The following DDX59 variants were observed in gnomAD, a reference collection of about 807,000 sequenced individuals.
The protein encoded by DDX59 is DEAD-box helicase 59.
DDX59 carries 30 observed loss-of-function variants against 51.9 expected under a neutral mutation model. The ratio of observed to expected loss-of-function variants is 0.58; its 90% CI spans 0.43 to 0.78. The LOEUF (loss-of-function observed/expected upper bound fraction) is 0.78. Ranked by LOEUF, DDX59 falls within the 30% of genes least tolerant of loss-of-function variation. The pLI, the probability that DDX59 is intolerant of heterozygous loss-of-function variation, is 0.00. For missense variants in DDX59, 672 were observed against 730.8 expected (o/e 0.92, Z 0.93); for synonymous variants, 255 against 253.3 (o/e 1.01, Z -0.06).
downstream of DDX59, among the ~76,000 whole-genome samples, chr1:200,641,455 G>C (rs1661046593): frequency 6.6e-6 from 1 of 152,000 alleles, no homozygotes; most frequent in Non-Finnish European, 1.5e-5. Flanking sequence ...TTTAAAAAAC[G>C]TGCTTGGGCC....
intron 2 of DDX59, 32 bp downstream of exon 2, chr1:200,665,902 GAAT>G (rs746606953): frequency 7.2e-6 from 11 of 1,523,236 alleles, no homozygotes; most frequent in Middle Eastern, 1.7e-4. Context: ...TTGTTTCCAA[GAAT>G]AATACATGTG....
Position 200,659,100 on chromosome 1 carries a change from G to C in DDX59, c.989C>G (p.Pro330Arg). 1.2e-6 allele frequency: 2 copies of C among 1,613,236 alleles called. No individual in the cohort carries two copies. Among genetic ancestry groups the C allele is most frequent in the Non-Finnish European group, 1.7e-6 (2 of 1,179,648 alleles). The change falls in exon 4 of 8, where the codon CCT becomes CGT. Residue 330 changes from proline (P) to arginine (R), a missense_variant. Transcript: ENST00000331314. ...QQHVKVIIAT[P>R]GRLLDIIKQS... The stretch of plus-strand genomic sequence containing the variant: ...CTTTATTATATCCAGAAGTCGCCCA[G>C]GGGTTGCTATGATAACCTAAATAAA...
At chr1:200,668,264 C>A (rs1344908165) in intron 1 of DDX59, among the ~76,000 whole-genome samples, 2 of 151,128 alleles carry the variant, frequency 1.3e-5, no homozygotes, top group African/African-American at 2.4e-5. Context: ...GCCCAGATCG[C>A]GCCACTGCAC....
intron 2 of DDX59, among the ~76,000 whole-genome samples, chr1:200,665,372 T>TTGAACC (rs1662651797): frequency 6.6e-6 from 1 of 151,852 alleles, no homozygotes; most frequent in South Asian, 2.1e-4. Context: ...GGAGAATCAC[T>TTGAACC]TGAACCTGAA....
chr1:200,663,653 A>C (rs1311617210), intron 3 of DDX59, among the ~76,000 whole-genome samples: 1 of 152,202 alleles, frequency 6.6e-6, no homozygotes, highest in Non-Finnish European at 1.5e-5. Flanking sequence ...ACCCACCTTC[A>C]GAAGTAAATG....
chr1:200,655,915 C>A (rs35249716), intron 4 of DDX59, among the ~76,000 whole-genome samples: 2 of 151,680 alleles, frequency 1.3e-5, no homozygotes, highest in African/African-American at 4.8e-5. Flanking sequence ...ACCGCAACCT[C>A]CACCTCCCGG....
At chr1:200,642,223 G>A (rs1661069249), downstream of DDX59, among the ~76,000 whole-genome samples, 1 of 152,042 alleles carries the variant, frequency 6.6e-6, no homozygotes, top group African/African-American at 2.4e-5. Flanking sequence ...AAATGTCTGA[G>A]AGTGTATGTG....
At chr1:200,649,043 A>G in intron 6 of DDX59, 31 bp downstream of exon 6, 1 of 1,510,144 alleles carries the variant, frequency 6.6e-7, no homozygotes. Context: ...AGATTTATAG[A>G]AAACAGAATA....
chr1:200,666,422 T>C lies in DDX59; in HGVS notation c.319A>G (p.Ile107Val), dbSNP rs3795634. Reference sequence around the variant, plus strand: ...CCATAACGACCACAGACAACACAGATGGGTTCCCCTGGTTCTGCCCAGCGC... The same window carrying C: ...CCATAACGACCACAGACAACACAGACGGGTTCCCCTGGTTCTGCCCAGCGC... ...TQRWAEPGEP[I>V]CVVCGRYGEY... Residue 107 changes from isoleucine (I) to valine (V), a missense_variant, in exon 2 of 8, where the codon ATC (isoleucine) becomes GTC (valine). By Grantham distance (29) the Ile-to-Val change is conservative. Coordinates refer to ENST00000331314, the MANE Select transcript of DDX59 (RefSeq NM_001031725.6). 137,105 of 1,614,044 alleles carry C rather than the reference T, an allele frequency of 0.085. 10,390 individuals are homozygous for C. Among genetic ancestry groups the C allele is most frequent in the East Asian group, 0.4 (18,032 of 44,854 alleles).
rs1367588846 is a variant in DDX59, at chr1:200,650,665, C to T, written c.1074G>A (p.Met358Ile). ...CTTGTTGTTGAAAACCCATCTTTAA[C>T]ATGGTATCAGCCTAAAATAAAATTG... ...KIVVVDEADT[M>I]LKMGFQQQVL... is the part of the protein sequence containing the mutation. Residue 358 changes from methionine (M) to isoleucine (I), a missense_variant, in exon 5 of 8, where the codon ATG (methionine) becomes ATA (isoleucine). By Grantham distance (10) the Met-to-Ile change is conservative (BLOSUM62 1). Transcript: ENST00000331314. 6.2e-7 allele frequency: 1 copy of T among 1,611,132 alleles called. No individual in the cohort carries two copies. The highest frequency in any genetic ancestry group is 8.5e-7 in the Non-Finnish European group (1 of 1,177,870).
chr1:200,649,425 G>A (rs943846620), intron 5 of DDX59, among the ~76,000 whole-genome samples, 199 bp from the exon 6 acceptor site: 10 of 151,732 alleles, frequency 6.6e-5, no homozygotes, highest in East Asian at 3.9e-4. Flanking sequence ...TTAGGAGTTC[G>A]AGACCAGCCT....
Position 200,648,577 on chromosome 1 carries a change from A to T in DDX59, c.1468-10T>A, listed in dbSNP as rs775257163. ...CTCCTTCAAGTAATCCCTTTCCAAA[A>T]AAGCAACAAAATTTATTATTCAGAA... On this transcript the variant is annotated splice_polypyrimidine_tract_variant and intron_variant, in intron 6 of 7. Transcript: ENST00000331314. 6.2e-7 allele frequency: 1 copy of T among 1,601,038 alleles called. No individual in the cohort carries two copies. The highest frequency in any genetic ancestry group is 1.1e-5 in the South Asian group (1 of 88,836).
intron 4 of DDX59, among the ~76,000 whole-genome samples, chr1:200,655,301 A>G (rs904964853): frequency 6.6e-6 from 1 of 152,132 alleles, no homozygotes; most frequent in Non-Finnish European, 1.5e-5. Flanking sequence ...AAGACTCACA[A>G]GGGACTCCTC....
At chr1:200,655,356 C>T (rs1349383761) in intron 4 of DDX59, among the ~76,000 whole-genome samples, 1 of 137,192 alleles carries the variant, frequency 7.3e-6, no homozygotes, top group Non-Finnish European at 1.7e-5. Context: ...CTGCCTCCAC[C>T]GTGTGACCCC....
At chr1:200,659,168 T>C in intron 3 of DDX59, 52 bp from the exon 4 acceptor site, 2 of 1,381,036 alleles carry the variant, frequency 1.4e-6, no homozygotes, top group East Asian at 2.3e-5. Flanking sequence ...GCTATTTTCA[T>C]TCATTCATTC....
At position 200,665,920 on chromosome 1, in the gene DDX59, C is replaced by CATA; in HGVS notation, c.804+16_804+17insTAT. The CATA allele has an allele frequency of 6.4e-7, 1 of 1,567,554 alleles. No homozygotes were observed. The highest frequency in any genetic ancestry group is 1.2e-5 in the South Asian group (1 of 83,104). ...TTTCCAAGAATAATACATGTGAACT[C>CATA]TATTATTAACACTTACCTCGAATAA... On this transcript the variant is annotated intron_variant, in intron 2 of 7. Coordinates refer to ENST00000331314, the MANE Select transcript of DDX59 (RefSeq NM_001031725.6).
intron 1 of DDX59, among the ~76,000 whole-genome samples, chr1:200,669,211 G>A (rs1274025335): frequency 1.3e-5 from 2 of 152,104 alleles, no homozygotes; most frequent in East Asian, 1.9e-4. Flanking sequence ...CTAATCTGGG[G>A]ACTATCAAAT....
rs1661586533 is a variant in DDX59 at position 200,650,473 on chromosome 1, CA to C, written c.1265del (p.Leu422CysfsTer3). On this transcript the variant is annotated frameshift_variant, in exon 5 of 8. Coordinates refer to ENST00000331314, the MANE Select transcript of DDX59 (RefSeq NM_001031725.6). LOFTEE classifies it high-confidence loss of function. ...TCTTTTTGGCTGGGTCTTCTACCCA[CA>C]AAATAATCTGACGTACATTGGCACA... ...LPCANVRQII[L>X]WVEDPAKKKK... 1.2e-6 allele frequency: 2 copies of C among 1,613,728 alleles called. No individual in the cohort carries two copies. The highest frequency in any genetic ancestry group is 3.3e-5 in the Admixed American group (2 of 59,978).
intron 3 of DDX59, among the ~76,000 whole-genome samples, chr1:200,660,656 T>C (rs7539252): frequency 0.72 from 110,093 of 152,092 alleles, 41,165 homozygotes; most frequent in Non-Finnish European, 0.84. Context: ...TCCTGTTGCA[T>C]TGAATTGGAA....
Sources: gnomAD v4.1 joint callset for allele counts (sites outside exome capture counted in the v4.1 genomes callset) on GRCh38, gnomAD v4.1.1 for gene constraint, MANE v1.5 for transcripts, NCBI Gene and HGNC (gene_info 2026-07-23, HGNC 2026-07-21) for gene names.